AGPAT4: variants seen among roughly 807,000 people sequenced by gnomAD.
AGPAT4 encodes the protein 1-acyl-sn-glycerol-3-phosphate acyltransferase delta.
In AGPAT4, 15 loss-of-function variants were observed where a neutral mutation model predicts 48.0. The observed-to-expected ratio is 0.31, with a 90% confidence interval of 0.21 to 0.48. AGPAT4 has a LOEUF of 0.48. Among genes scored for constraint, AGPAT4 ranks in the 20% least tolerant of loss-of-function variants. The pLI is 0.99. For missense variants in AGPAT4, 314 were observed against 482.5 expected (o/e 0.65, Z 3.27); for synonymous variants, 178 against 198.7 (o/e 0.90, Z 0.88).
chr6:161,271,486 A>C (rs539933516), intron 1 of AGPAT4, among the ~76,000 whole-genome samples: 3 of 152,352 alleles, frequency 2.0e-5, no homozygotes, highest in South Asian at 2.1e-4. Flanking sequence ...ACTTCACAGC[A>C]GAGCCTTGCA....
intron 1 of AGPAT4, among the ~76,000 whole-genome samples, chr6:161,248,943 G>C (rs955050303): frequency 5.9e-5 from 9 of 151,994 alleles, no homozygotes; most frequent in Non-Finnish European, 1.3e-4. Context: ...TAACCAAATG[G>C]GCATGGTACT....
Position 161,165,789 on chromosome 6 carries a change from A to G in AGPAT4, c.348+459T>C, listed in dbSNP as rs1484952217. ...AGTTCACTCTCTCACTTATGGACTC[A>G]AAGTTCTTAAGCCTTCAACGATCAA... On this transcript the variant is annotated intron_variant, in intron 3 of 8. Transcript: ENST00000320285. The surrounding 1 kb of genome is among the most constrained non-coding windows in gnomAD (Gnocchi z 5.5). 1 of 596,506 alleles carries G rather than the reference A, an allele frequency of 1.7e-6. No homozygotes were observed. The highest frequency in any genetic ancestry group is 3.0e-6 in the Non-Finnish European group (1 of 329,342). The allele number at this position is 596,506 out of a possible 1,614,324, so 37.0% of individuals were successfully genotyped here.
intron 5 of AGPAT4, among the ~76,000 whole-genome samples, chr6:161,151,076 TTGAA>T (rs1417391964): frequency 6.6e-6 from 1 of 152,154 alleles, no homozygotes; most frequent in Non-Finnish European, 1.5e-5. Context: ...AAAAAGTGTC[TTGAA>T]TGGAGAGCCA....
At chr6:161,273,575 A>AC (rs940868589) in intron 1 of AGPAT4, among the ~76,000 whole-genome samples, 2 of 150,166 alleles carry the variant, frequency 1.3e-5, no homozygotes, top group African/African-American at 4.9e-5. Flanking sequence ...CCCCACCACC[A>AC]CCCCCCGCCC....
At chr6:161,253,260 A>T (rs1238296801) in intron 1 of AGPAT4, among the ~76,000 whole-genome samples, 3 of 143,902 alleles carry the variant, frequency 2.1e-5, no homozygotes, top group African/African-American at 5.1e-5. Flanking sequence ...ACTTTTTTTA[A>T]TTTTTTTTTT....
Position 161,238,406 on chromosome 6 carries a change from G to A in AGPAT4, c.-89-6104C>T, listed in dbSNP as rs551637369. 5.9e-5 allele frequency among the ~76,000 whole-genome samples: 9 copies of A among 152,264 alleles called. No homozygotes were observed. The highest frequency in any genetic ancestry group is 1.3e-4 in the Admixed American group (2 of 15,296). ...AGGAGCAGCTAAGACAGATGACTTC[G>A]TCTCTCCTGGGAAAGCCAATGAGAT... On this transcript the variant is annotated intron_variant, in intron 1 of 8. Transcript: ENST00000320285. The surrounding 1 kb of genome is among the most constrained non-coding windows in gnomAD (Gnocchi z 5.2).
rs1781838539 is a variant in AGPAT4, at chr6:161,221,676, G to A, written c.178+10360C>T. On this transcript the variant is annotated intron_variant, in intron 2 of 8. Transcript: ENST00000320285. This position sits in a 1 kb window ranked among gnomAD's most constrained non-coding sequence, Gnocchi z 4.5. ...TTGATTGTCTGAGTTCTGGATTCCAGGAACCTCAGATCGGGGTGTTAGCAG... is the reference window on the plus strand; with the variant it reads ...TTGATTGTCTGAGTTCTGGATTCCAAGAACCTCAGATCGGGGTGTTAGCAG... Among the ~76,000 whole-genome samples, 1 of 152,172 alleles carries A rather than the reference G, an allele frequency of 6.6e-6. No individual in the cohort carries two copies. The highest frequency in any genetic ancestry group is 6.5e-5 in the Admixed American group (1 of 15,278).
intron 2 of AGPAT4, among the ~76,000 whole-genome samples, chr6:161,179,217 C>T (rs780680799): frequency 6.6e-6 from 1 of 152,206 alleles, no homozygotes; most frequent in Non-Finnish European, 1.5e-5. Context: ...TCGTTTCCAA[C>T]ATGCGTGGGT....
In AGPAT4 at chr6:161,262,984, C is replaced by T. The variant is rs1783146343; in HGVS notation, c.-90+10954G>A. Among the ~76,000 whole-genome samples, 1 of 152,122 alleles carries T rather than the reference C, an allele frequency of 6.6e-6. No individual in the cohort carries two copies. The highest frequency in any genetic ancestry group is 1.5e-5 in the Non-Finnish European group (1 of 68,024). On this transcript the variant is annotated intron_variant, in intron 1 of 8. Transcript: ENST00000320285. This position sits in a 1 kb window ranked among gnomAD's most constrained non-coding sequence, Gnocchi z 4.9. Reference sequence around the variant, plus strand: ...CTATTCCAGAGAAAGCGAGGGAAGGCCCACCAAGGCGAGTGACCAGAGGCA... The same window carrying T: ...CTATTCCAGAGAAAGCGAGGGAAGGTCCACCAAGGCGAGTGACCAGAGGCA...
At position 161,154,347 on chromosome 6, in the gene AGPAT4, A is replaced by C. The variant is rs1367397541; in HGVS notation, c.349-37T>G. The stretch of plus-strand genomic sequence containing the variant: ...GAAGGAGCCCAGGTGCCCATGAAGG[A>C]GACGTCAGAGCCACCTGCCGGGGCT... On this transcript the variant is annotated intron_variant, in intron 3 of 8. Coordinates refer to ENST00000320285, the MANE Select transcript of AGPAT4 (RefSeq NM_020133.3). The surrounding 1 kb of genome is among the most constrained non-coding windows in gnomAD (Gnocchi z 7.8). 1.2e-6 allele frequency: 2 copies of C among 1,612,364 alleles called. No individual in the cohort carries two copies. The highest frequency in any genetic ancestry group is 2.7e-5 in the African/African-American group (2 of 74,778).
chr6:161,186,723 A>G (rs1486584499), intron 2 of AGPAT4, among the ~76,000 whole-genome samples: 2 of 151,372 alleles, frequency 1.3e-5, no homozygotes, highest in Non-Finnish European at 2.9e-5. Flanking sequence ...TCCTTCCCCC[A>G]CTTCTCCCCA....
rs749162754 is a variant in AGPAT4, at chr6:161,201,223, G to A, written c.178+30813C>T. Among the ~76,000 whole-genome samples, 55 of 152,116 alleles carry A rather than the reference G, an allele frequency of 3.6e-4. 1 individual carries two copies. Among genetic ancestry groups the A allele is most frequent in the Non-Finnish European group, 1.5e-4 (10 of 68,018 alleles). On this transcript the variant is annotated intron_variant, in intron 2 of 8. Coordinates refer to ENST00000320285, the MANE Select transcript of AGPAT4 (RefSeq NM_020133.3). This position sits in a 1 kb window ranked among gnomAD's most constrained non-coding sequence, Gnocchi z 6.0. ...GGCTGTTCAAGAGAGACTTAATTCTGTACCTAATCAGATAAGGTGAAGGTT... is the reference window on the plus strand; with the variant it reads ...GGCTGTTCAAGAGAGACTTAATTCTATACCTAATCAGATAAGGTGAAGGTT...
At chr6:161,170,016 G>A (rs1780217474) in intron 2 of AGPAT4, among the ~76,000 whole-genome samples, 1 of 152,126 alleles carries the variant, frequency 6.6e-6, no homozygotes, top group Non-Finnish European at 1.5e-5. Context: ...AGGCCAGGTG[G>A]TTGTATTTTG....
intron 2 of AGPAT4, among the ~76,000 whole-genome samples, chr6:161,210,487 T>C (rs1781492538): frequency 1.3e-5 from 2 of 152,214 alleles, no homozygotes; most frequent in Non-Finnish European, 2.9e-5. Flanking sequence ...ATGTGTTGTG[T>C]ACACAATGTT....
intron 8 of AGPAT4, 138 bp from the exon 9 acceptor site, chr6:161,136,772 T>A (rs1371633038): frequency 1.2e-5 from 8 of 673,482 alleles, no homozygotes; most frequent in Non-Finnish European, 2.1e-5. Context: ...TGAGGTGCCA[T>A]CATCCTGCCG....
chr6:161,266,323 C>T lies in AGPAT4; in HGVS notation c.-90+7615G>A, dbSNP rs1295242356. 6.6e-6 allele frequency among the ~76,000 whole-genome samples: 1 copy of T among 152,238 alleles called. No homozygotes were observed. The highest frequency in any genetic ancestry group is 6.5e-5 in the Admixed American group (1 of 15,288). On this transcript the variant is annotated intron_variant, in intron 1 of 8. Coordinates refer to ENST00000320285, the MANE Select transcript of AGPAT4 (RefSeq NM_020133.3). The surrounding 1 kb of genome is among the most constrained non-coding windows in gnomAD (Gnocchi z 6.2). ...CGATGAGGCAACCCTGATGACCTGA[C>T]TTCTTGTGCCCATCTCTTCTCTAGG...
In AGPAT4 at chr6:161,245,720, G is replaced by C. The variant is rs1171057877; in HGVS notation, c.-89-13418C>G. Among the ~76,000 whole-genome samples the C allele has an allele frequency of 1.3e-5, 2 of 152,094 alleles. No homozygotes were observed. The highest frequency in any genetic ancestry group is 1.3e-4 in the Admixed American group (2 of 15,274). ...TGTCCGTGAAGTGCCCTCAATCCTTGAGTTCTTGGAGATCCTGTCATTGCC... is the reference window on the plus strand; with the variant it reads ...TGTCCGTGAAGTGCCCTCAATCCTTCAGTTCTTGGAGATCCTGTCATTGCC... On this transcript the variant is annotated intron_variant, in intron 1 of 8. Coordinates refer to ENST00000320285, the MANE Select transcript of AGPAT4 (RefSeq NM_020133.3). The surrounding 1 kb of genome is among the most constrained non-coding windows in gnomAD (Gnocchi z 5.2).
rs1300275166 is a variant in AGPAT4, at chr6:161,216,721, G to C, written c.178+15315C>G. Among the ~76,000 whole-genome samples, 1 of 152,210 alleles carries C rather than the reference G, an allele frequency of 6.6e-6. No individual in the cohort carries two copies. Among genetic ancestry groups the C allele is most frequent in the Non-Finnish European group, 1.5e-5 (1 of 68,036 alleles). On this transcript the variant is annotated intron_variant, in intron 2 of 8. Transcript: ENST00000320285. The surrounding 1 kb of genome is among the most constrained non-coding windows in gnomAD (Gnocchi z 4.8). ...GGAGGCGAAAGGCTCTTCTTAAGCA[G>C]CGACAGCAAGAGAAAATGAGAAAGA...
rs764202995 is a variant in AGPAT4 at position 161,153,335 on chromosome 6, C to T, written c.664+11G>A. 3 of 1,602,170 alleles carry T rather than the reference C, an allele frequency of 1.9e-6. No homozygotes were observed. Among genetic ancestry groups the T allele is most frequent in the African/African-American group, 2.7e-5 (2 of 74,656 alleles). On this transcript the variant is annotated intron_variant, in intron 5 of 8. Transcript: ENST00000320285. ...CCACGGGGAGGCCCAGGGCCACGCA[C>T]TCTTCCTTACCTACATTTCTCAAGC...
Sources: gnomAD v4.1 joint callset for allele counts (sites outside exome capture counted in the v4.1 genomes callset) on GRCh38, gnomAD v4.1.1 for gene constraint, Gnocchi (gnomAD v3.1) non-coding constraint, MANE v1.5 for transcripts, NCBI Gene and HGNC (gene_info 2026-07-23, HGNC 2026-07-21) for gene names.